GART: variants seen among roughly 807,000 people sequenced by gnomAD.
GART encodes phosphoribosylglycinamide formyltransferase, phosphoribosylglycinamide synthetase, phosphoribosylaminoimidazole synthetase.
GART carries 43 observed loss-of-function variants against 107.2 expected under a neutral mutation model. The ratio of observed to expected loss-of-function variants is 0.40; its 90% CI spans 0.31 to 0.52. GART has a LOEUF of 0.52. Among genes scored for constraint, GART ranks in the 20% least tolerant of loss-of-function variants. The probability of loss-of-function intolerance (pLI) is 0.52; values close to 1 mark genes in which losing one functional copy is unlikely to be tolerated. For synonymous variants in GART, 434 were observed against 427.0 expected (o/e 1.02, Z -0.20); for missense variants, 1,107 against 1,206.5 (o/e 0.92, Z 1.22).
rs143013032 is a variant in GART, at chr21:33,527,106, C to A, written c.1066+1061G>T. Among the ~76,000 whole-genome samples the A allele has an allele frequency of 1.6e-4, 24 of 152,324 alleles. No individual in the cohort carries two copies. In the East Asian group the frequency reaches 4.6e-3, roughly 29 times the overall value. ...GATCTTGGTTCTGGCCCATTTCTTT[C>A]TTTGTCCATATTCAAAAGGAATCAA... On this transcript the variant is annotated intron_variant, in intron 10 of 21. Transcript: ENST00000381815.
intron 1 of GART, among the ~76,000 whole-genome samples, chr21:33,541,483 T>C (rs1010978481): frequency 6.6e-6 from 1 of 152,232 alleles, no homozygotes; most frequent in Non-Finnish European, 1.5e-5. Flanking sequence ...ATCTTTAGTT[T>C]GAATATAGCA....
rs2085024233 is a variant in GART, at chr21:33,524,159, T to G, written c.1298+610A>C. ...AACTTTACAGTATAATCAAATCAAA[T>G]TACAAAGTTAGATGACCAGTATTCT... On this transcript the variant is annotated intron_variant, in intron 11 of 21. Coordinates refer to ENST00000381815, the MANE Select transcript of GART (RefSeq NM_000819.5). The G allele has an allele frequency of 3.0e-6, 3 of 985,104 alleles. No individual in the cohort carries two copies. In the African/African-American group the frequency reaches 5.2e-5, roughly 17 times the overall value. The allele number at this position is 985,104 out of a possible 1,614,324, so 61.0% of individuals were successfully genotyped here.
In GART at chr21:33,530,786, T is replaced by C; in HGVS notation, c.696A>G (p.Gly232=). ...LEGDGGPNTG[G]MGAYCPAPQV... is the part of the protein sequence containing the mutation. Reference sequence around the variant, plus strand: ...GAGGGGCTGGACAATAGGCTCCCATTCCCCCTGTGTTAGGGCCACCATCTC... The same window carrying C: ...GAGGGGCTGGACAATAGGCTCCCATCCCCCCTGTGTTAGGGCCACCATCTC... The change falls in exon 7 of 22, where the codon GGA becomes GGG. Residue 232 remains glycine (G), a synonymous_variant. Transcript: ENST00000381815. The C allele has an allele frequency of 2.6e-6, 4 of 1,517,430 alleles. No homozygotes were observed. The highest frequency in any genetic ancestry group is 4.7e-5 in the Admixed American group (2 of 42,954). 94.0% of individuals were successfully genotyped at this position (1,517,430 alleles called of 1,614,324 possible).
chr21:33,515,286 A>C (rs564862156), intron 16 of GART, among the ~76,000 whole-genome samples: 1 of 152,114 alleles, frequency 6.6e-6, no homozygotes, highest in South Asian at 2.1e-4. Flanking sequence ...CTACTCCTTC[A>C]AATCAATGTG....
At chr21:33,515,744 A>G (rs564477422) in intron 16 of GART, among the ~76,000 whole-genome samples, 28 of 152,030 alleles carry the variant, frequency 1.8e-4, no homozygotes, top group Non-Finnish European at 3.5e-4. Flanking sequence ...TGCATGCATA[A>G]AATTATTCCA....
At chr21:33,542,612 A>C (rs1330799408), upstream of GART, 1 of 157,476 alleles carries the variant, frequency 6.4e-6, no homozygotes, top group Non-Finnish European at 1.4e-5. Flanking sequence ...GGGGCTGAAA[A>C]ATTCTCTCCC....
chr21:33,518,825 G>A (rs1338824811), intron 14 of GART: 1 of 528,550 alleles, frequency 1.9e-6, no homozygotes, highest in Non-Finnish European at 3.7e-6. Flanking sequence ...CAGATTGTCT[G>A]CACCAAGCTG....
intron 11 of GART, among the ~76,000 whole-genome samples, chr21:33,523,696 G>A (rs2145721651): frequency 6.6e-6 from 1 of 152,224 alleles, no homozygotes; most frequent in East Asian, 1.9e-4. Flanking sequence ...GCCGGGCACG[G>A]TGGCTCACGC....
intron 20 of GART, 117 bp downstream of exon 20, chr21:33,505,444 A>C: frequency 1.2e-5 from 9 of 771,924 alleles, no homozygotes; most frequent in Non-Finnish European, 1.8e-5. Context: ...ATCACAGTCA[A>C]ACAGGAGTTG....
chr21:33,531,367 G>T, intron 6 of GART, 122 bp downstream of exon 6: 1 of 811,890 alleles, frequency 1.2e-6, no homozygotes. Flanking sequence ...AAATTCCTTT[G>T]TAACTGCTGG....
At chr21:33,531,306 AAC>A in intron 6 of GART, 181 bp downstream of exon 6, 1 of 621,618 alleles carries the variant, frequency 1.6e-6, no homozygotes, top group South Asian at 2.3e-5. Flanking sequence ...AGGGATGACT[AAC>A]AGAGGATCGA....
chr21:33,531,952 C>T (rs1163453902), intron 5 of GART: 1 of 244,788 alleles, frequency 4.1e-6, no homozygotes, highest in African/African-American at 2.3e-5. Context: ...GGACAGAAAA[C>T]CCACAACAAC....
rs1172700798 is a variant in GART, at chr21:33,535,672, C to CA, written c.146-353dup. ...TACTCAGAAATTGGTCTTTTAATGT[C>CA]AATCAATCAATTGTACTGAAAATCC... On this transcript the variant is annotated intron_variant, in intron 2 of 21. Transcript: ENST00000381815. Among the ~76,000 whole-genome samples the CA allele has an allele frequency of 2.0e-5, 3 of 152,156 alleles. No individual in the cohort carries two copies. The East Asian group carries it at 5.8e-4, about 29-fold the overall frequency.
intron 16 of GART, among the ~76,000 whole-genome samples, chr21:33,513,111 G>C (rs1308588379): frequency 3.4e-4 from 14 of 41,590 alleles, no homozygotes; most frequent in South Asian, 7.1e-4. Context: ...GTCTCTGTGT[G>C]TGTGTGTGTG....
intron 14 of GART, among the ~76,000 whole-genome samples, chr21:33,519,264 C>G (rs538484735): frequency 6.6e-6 from 1 of 152,178 alleles, no homozygotes; most frequent in Admixed American, 6.5e-5. Flanking sequence ...ATAAAAGAGG[C>G]AGTTTCTGGC....
At chr21:33,518,864 G>T in intron 14 of GART, 2 of 537,048 alleles carry the variant, frequency 3.7e-6, no homozygotes, top group Non-Finnish European at 3.7e-6. Context: ...ATTTCTATCA[G>T]CTGCGTTGTC....
At chr21:33,541,803 C>G (rs1027912428) in intron 1 of GART, among the ~76,000 whole-genome samples, 8 of 152,106 alleles carry the variant, frequency 5.3e-5, no homozygotes, top group African/African-American at 1.9e-4. Flanking sequence ...AGAAAGTACA[C>G]CAATTTAGGG....
intron 14 of GART, among the ~76,000 whole-genome samples, chr21:33,519,884 C>A (rs2084939965): frequency 6.7e-6 from 1 of 150,096 alleles, no homozygotes; most frequent in East Asian, 2.0e-4. Context: ...CCTACAGATT[C>A]ATTTTGCTCA....
chr21:33,542,885 G>A (rs1025429392), upstream of GART: 1 of 601,520 alleles, frequency 1.7e-6, no homozygotes, highest in Non-Finnish European at 3.0e-6. Context: ...GCAAACGTCA[G>A]CACCTCTACC....
Sources: gnomAD v4.1 joint callset for allele counts (sites outside exome capture counted in the v4.1 genomes callset) on GRCh38, gnomAD v4.1.1 for gene constraint, MANE v1.5 for transcripts, NCBI Gene and HGNC (gene_info 2026-07-23, HGNC 2026-07-21) for gene names.